The following DRC5 variants were observed in gnomAD, a reference collection of about 807,000 sequenced individuals.
DRC5 encodes the protein T-complex-associated testis-expressed protein 1.
chr6:44,280,449 A>C, the DRC5 span: 1 of 1,287,100 alleles, frequency 7.8e-7, no homozygotes, highest in Non-Finnish European at 1.1e-6. Flanking sequence ...TCTGACACAC[A>C]TACTACACAT....
the DRC5 span, chr6:44,286,220 A>G: frequency 6.2e-7 from 1 of 1,611,934 alleles, no homozygotes; most frequent in Middle Eastern, 1.6e-4. Context: ...CACCGGCGGA[A>G]GGAACTGATC....
chr6:44,280,757 G>A, the DRC5 span, among the ~76,000 whole-genome samples: 1 of 152,222 alleles, frequency 6.6e-6, no homozygotes, highest in South Asian at 2.1e-4. Flanking sequence ...AAGGGAGCAG[G>A]TGTTCTCCCG....
At chr6:44,289,901 C>T in the DRC5 span, among the ~76,000 whole-genome samples, 2 of 152,200 alleles carry the variant, frequency 1.3e-5, no homozygotes, top group Non-Finnish European at 2.9e-5. Context: ...CGACTCAGTG[C>T]ACTGGGTAGT....
chr6:44,284,168 C>CCT, the DRC5 span, among the ~76,000 whole-genome samples: 1 of 152,132 alleles, frequency 6.6e-6, no homozygotes, highest in African/African-American at 2.4e-5. Context: ...TGCTATCTGG[C>CCT]CTCTGCTCCT....
the DRC5 span, among the ~76,000 whole-genome samples, chr6:44,286,923 A>G: frequency 6.6e-6 from 1 of 152,248 alleles, no homozygotes; most frequent in Non-Finnish European, 1.5e-5. Context: ...CACTGGAGGT[A>G]GCACTATGAG....
chr6:44,286,231 G>C, the DRC5 span: 3 of 1,612,380 alleles, frequency 1.9e-6, no homozygotes, highest in Non-Finnish European at 2.5e-6. Context: ...GGAACTGATC[G>C]ACGTGGACCC....
chr6:44,282,641 C>T, the DRC5 span: 1 of 1,335,110 alleles, frequency 7.5e-7, no homozygotes, highest in Non-Finnish European at 1.0e-6. Context: ...AAACTTGGCT[C>T]ACCTAGTGTT....
At chr6:44,281,008 C>A in the DRC5 span, among the ~76,000 whole-genome samples, 2 of 150,202 alleles carry the variant, frequency 1.3e-5, no homozygotes, top group African/African-American at 2.4e-5. Context: ...GTCAACAGCA[C>A]CCCCTCTAGA....
chr6:44,286,137 C>T, the DRC5 span: 17 of 1,613,852 alleles, frequency 1.1e-5, no homozygotes, highest in African/African-American at 5.3e-5. Flanking sequence ...TAGTGGTCAA[C>T]GGTGGGCTCC....
chr6:44,287,849 T>G, the DRC5 span: 1 of 1,606,684 alleles, frequency 6.2e-7, no homozygotes, highest in Admixed American at 1.7e-5. Flanking sequence ...AAGGTAGGGG[T>G]GCGTGGCCCC....
chr6:44,280,231 G>A, the DRC5 span: 1 of 1,614,248 alleles, frequency 6.2e-7, no homozygotes, highest in Non-Finnish European at 8.5e-7. Context: ...GACATGAAGT[G>A]GCTGGGATTC....
the DRC5 span, chr6:44,286,424 T>G: frequency 6.2e-7 from 1 of 1,614,190 alleles, no homozygotes; most frequent in Non-Finnish European, 8.5e-7. Context: ...GAGCCAGTAG[T>G]TCTCACTGTC....
At chr6:44,297,646 G>T in the DRC5 span, 4 of 152,218 alleles carry the variant, frequency 2.6e-5, no homozygotes, top group Non-Finnish European at 4.4e-5. Flanking sequence ...CCCACTCCCG[G>T]AGGTCGCCTC....
the DRC5 span, among the ~76,000 whole-genome samples, chr6:44,297,342 C>T: frequency 2.0e-5 from 3 of 152,306 alleles, no homozygotes; most frequent in African/African-American, 7.2e-5. Flanking sequence ...CCTACGGATG[C>T]CCCACTTTCC....
chr6:44,286,233 C>G, the DRC5 span: 1 of 1,612,450 alleles, frequency 6.2e-7, no homozygotes, highest in Non-Finnish European at 8.5e-7. Context: ...AACTGATCGA[C>G]GTGGACCCTG....
At chr6:44,284,155 C>CA in the DRC5 span, among the ~76,000 whole-genome samples, 221 of 152,244 alleles carry the variant, frequency 1.5e-3, 1 homozygote, top group African/African-American at 5.1e-3. Flanking sequence ...CCCCAGAAAC[C>CA]ACTGCTATCT....
the DRC5 span, chr6:44,287,441 G>C: frequency 1.7e-6 from 2 of 1,202,540 alleles, no homozygotes; most frequent in Admixed American, 2.4e-5. Context: ...CGGGAGAGCA[G>C]GGGCTGCCCC....
the DRC5 span, chr6:44,286,564 C>T: frequency 6.3e-7 from 1 of 1,576,986 alleles, no homozygotes; most frequent in Non-Finnish European, 8.6e-7. Context: ...CGCAGGGGGT[C>T]ACAGTGTTGG....
the DRC5 span, chr6:44,285,954 C>T: frequency 6.2e-7 from 1 of 1,603,834 alleles, no homozygotes. Context: ...AGGCTGGGAG[C>T]AGACAGTACC....
Sources: allele counts gnomAD v4.1 joint callset (sites outside exome capture counted in the v4.1 genomes callset), GRCh38; gene constraint gnomAD v4.1.1; transcripts MANE v1.5; gene names NCBI Gene and HGNC (gene_info 2026-07-23, HGNC 2026-07-21).